The following ARFIP2 variants were observed in gnomAD, a reference collection of about 807,000 sequenced individuals.
ARFIP2 encodes the protein ARF interacting protein 2.
A neutral mutation model predicts 39.2 loss-of-function variants in ARFIP2; 14 were observed. The observed-to-expected ratio is 0.36, with a 90% CI of 0.24 to 0.56. ARFIP2 has a LOEUF of 0.56. Ranked by LOEUF, ARFIP2 falls within the 20% of genes least tolerant of loss-of-function variation. The pLI, the probability that ARFIP2 is intolerant of heterozygous loss-of-function variation, is 0.85. For synonymous variants in ARFIP2, 167 were observed against 172.4 expected, an observed-to-expected ratio of 0.97 and a Z score of 0.24; for missense variants, 305 against 422.5, an observed-to-expected ratio of 0.72 and a Z score of 2.44.
In ARFIP2 at chr11:6,476,819, A is replaced by T. The variant is rs1413411371; in HGVS notation, c.*294T>A. 2.8e-6 allele frequency: 1 copy of T among 351,990 alleles called. No homozygotes were observed. The highest frequency in any genetic ancestry group is 2.1e-5 in the African/African-American group (1 of 48,420). The allele number at this position is 351,990 out of a possible 1,614,324, so 21.8% of individuals were successfully genotyped here. ...TCAGGGAGCACACCCCAGCCTGAAG[A>T]GTGATGCCATTGGCCAGGGAGTGGT... On this transcript the variant is annotated 3_prime_UTR_variant, in exon 8 of 8. Coordinates refer to ENST00000396777, the MANE Select transcript of ARFIP2 (RefSeq NM_001376558.2).
intron 3 of ARFIP2, 71 bp from the exon 4 acceptor site, chr11:6,479,329 T>C (rs549041467): frequency 6.2e-7 from 1 of 1,611,314 alleles, no homozygotes; most frequent in South Asian, 1.1e-5. Context: ...CCACCCATAC[T>C]TCTCTTCGAG....
Position 6,478,759 on chromosome 11 carries a change from G to A in ARFIP2, c.516C>T (p.Ser172=), listed in dbSNP as rs1564984180. 6.2e-6 allele frequency: 10 copies of A among 1,612,124 alleles called. No homozygotes were observed. The highest frequency in any genetic ancestry group is 1.1e-5 in the South Asian group (1 of 91,036). Residue 172 remains serine, a synonymous_variant, in exon 5 of 8, where the codon AGC becomes AGT. Coordinates refer to ENST00000396777, the MANE Select transcript of ARFIP2 (RefSeq NM_001376558.2). This position sits in a 1 kb window ranked among gnomAD's most constrained non-coding sequence, Gnocchi z 4.8. The part of the protein sequence containing the change: ...HALGDAFADL[S]QKSPELQEEF... ...GCACCTGAAGCTCTGGGGACTTCTGGCTGAGGTCAGCAAAGGCATCACCCA... is the reference window on the plus strand; with the variant it reads ...GCACCTGAAGCTCTGGGGACTTCTGACTGAGGTCAGCAAAGGCATCACCCA...
chr11:6,479,430 C>A lies in ARFIP2; in HGVS notation c.197-172G>T, dbSNP rs895959795. On this transcript the variant is annotated intron_variant, in intron 3 of 7. Transcript: ENST00000396777. The stretch of plus-strand genomic sequence containing the variant: ...AACTCGGACTTTGCGCGGTGAGAAC[C>A]AAATCCTGATATACATATGGCCTCC... The A allele has an allele frequency of 1.3e-5, 17 of 1,346,780 alleles. No individual in the cohort carries two copies. In the Admixed American group the frequency reaches 3.0e-4, roughly 24 times the overall value. 83.4% of individuals were successfully genotyped at this position (1,346,780 alleles called of 1,614,324 possible).
chr11:6,479,301 C>T (rs1354099478), intron 3 of ARFIP2, 43 bp from the exon 4 acceptor site: 1 of 1,613,378 alleles, frequency 6.2e-7, no homozygotes, highest in Non-Finnish European at 8.5e-7. Context: ...CTCAGATACA[C>T]CAGACACCTC....
rs1208036381 is a variant in ARFIP2 at position 6,478,409 on chromosome 11, G to A, written c.538-211C>T. Among the ~76,000 whole-genome samples the A allele has an allele frequency of 6.6e-6, 1 of 152,056 alleles. No individual in the cohort carries two copies. The highest frequency in any genetic ancestry group is 2.4e-5 in the African/African-American group (1 of 41,412). ...GGAATGTGGGTGGTGGGCATTCTTG[G>A]GTAAGTTCACAAGACTGGAACAGTC... is the stretch of plus-strand genomic sequence containing the variant. On this transcript the variant is annotated intron_variant, in intron 5 of 7. Transcript: ENST00000396777. This position sits in a 1 kb window ranked among gnomAD's most constrained non-coding sequence, Gnocchi z 4.8.
At chr11:6,480,673 C>G (rs1262058977) in intron 1 of ARFIP2, 1 of 429,094 alleles carries the variant, frequency 2.3e-6, no homozygotes, top group East Asian at 4.4e-5. Context: ...AAGCCCCCAA[C>G]CTCACCAGGA....
In ARFIP2 at chr11:6,479,155, G is replaced by A. The variant is rs1158909591; in HGVS notation, c.300C>T (p.Gly100=). 11 of 1,614,126 alleles carry A rather than the reference G, an allele frequency of 6.8e-6. No individual in the cohort carries two copies. The highest frequency in any genetic ancestry group is 9.3e-6 in the Non-Finnish European group (11 of 1,180,020). Residue 100 remains glycine, a synonymous_variant, in exon 4 of 8, where the codon GGC becomes GGT. Transcript: ENST00000396777. The part of the protein sequence containing the change: ...GEKFDIVKKW[G]INTYKCTKQL... ...TAAATCCTACCTTATAGGTGTTGAT[G>A]CCCCATTTCTTGACGATGTCAAACT...
At chr11:6,479,670 A>G (rs1851510935) in intron 3 of ARFIP2, 4 of 533,586 alleles carry the variant, frequency 7.5e-6, no homozygotes, top group Non-Finnish European at 1.3e-5. Context: ...GAAGCTTCAC[A>G]AAGTTCCAAC....
At chr11:6,479,566 G>T in intron 3 of ARFIP2, 1 of 586,596 alleles carries the variant, frequency 1.7e-6, no homozygotes, top group Non-Finnish European at 3.0e-6. Flanking sequence ...GGTGGGTCAT[G>T]ATAACAAGAA....
In ARFIP2 at chr11:6,481,305, G is replaced by A. The variant is rs759629684; in HGVS notation, c.-117C>T. The A allele has an allele frequency of 2.7e-6, 2 of 732,416 alleles. No individual in the cohort carries two copies. The highest frequency in any genetic ancestry group is 2.7e-5 in the East Asian group (1 of 37,278). The allele number at this position is 732,416 out of a possible 1,614,324, so 45.4% of individuals were successfully genotyped here. ...GGGACCTCGGGCTCCAGTTCCCGTC[G>A]CGATCCTAGCAGCAGGTCAGGGACT... On this transcript the variant is annotated 5_prime_UTR_variant, in exon 1 of 8. Transcript: ENST00000396777.
rs1255227795 is a variant in ARFIP2, at chr11:6,479,987, C to T, written c.181G>A (p.Gly61Arg). 6.2e-7 allele frequency: 1 copy of T among 1,614,082 alleles called. No homozygotes were observed. The highest frequency in any genetic ancestry group is 1.1e-5 in the South Asian group (1 of 91,078). The change falls in exon 3 of 8, where the codon GGA becomes AGA. Residue 61 changes from glycine to arginine, a missense_variant. Physicochemically the swap from Gly to Arg is moderately radical, Grantham distance 125. This residue lies in a region of ARFIP2 where 151 missense variants were observed against 203.1 expected (regional missense o/e 0.74). Transcript: ENST00000396777. ...ACATTCATACCTGTGGGGATGAGTC[C>T]ATCACCAGAGCCCCCATAGCCACCA... Reference protein sequence around the residue: ...VSGGYGGSGDGLIPTGSGRHP... With the variant: ...VSGGYGGSGDRLIPTGSGRHP...
chr11:6,480,117 A>C (rs745543235), intron 2 of ARFIP2, 49 bp from the exon 3 acceptor site: 13 of 1,534,732 alleles, frequency 8.5e-6, no homozygotes, highest in Non-Finnish European at 1.1e-5. Flanking sequence ...GGGCTGCAGA[A>C]GCATTTTGGA....
At position 6,478,448 on chromosome 11, in the gene ARFIP2, G is replaced by A. The variant is rs1851339647; in HGVS notation, c.538-250C>T. 2 of 1,017,384 alleles carry A rather than the reference G, an allele frequency of 2.0e-6. No individual in the cohort carries two copies. Among genetic ancestry groups the A allele is most frequent in the Admixed American group, 5.8e-5 (2 of 34,342 alleles). The allele number at this position is 1,017,384 out of a possible 1,614,324, so 63.0% of individuals were successfully genotyped here. A position where few individuals can be genotyped will look rare whatever the true frequency, so the allele number is the denominator to read the frequency against. On this transcript the variant is annotated intron_variant, in intron 5 of 7. Coordinates refer to ENST00000396777, the MANE Select transcript of ARFIP2 (RefSeq NM_001376558.2). This position sits in a 1 kb window ranked among gnomAD's most constrained non-coding sequence, Gnocchi z 4.8. Reference sequence around the variant, plus strand: ...ACTGGAACAGTCTGAGAGCTAGTGTGGCAAGCAGGGGAGGGGCTCTGATTA... The same window carrying A: ...ACTGGAACAGTCTGAGAGCTAGTGTAGCAAGCAGGGGAGGGGCTCTGATTA...
chr11:6,480,601 G>T, intron 1 of ARFIP2, 138 bp from the exon 2 acceptor site: 2 of 552,906 alleles, frequency 3.6e-6, no homozygotes, highest in Non-Finnish European at 6.3e-6. Flanking sequence ...TCAGATATAT[G>T]TATTTCTCCC....
Position 6,479,245 on chromosome 11 carries a change from A to G in ARFIP2, c.210T>C (p.His70=), listed in dbSNP as rs1365228865. ...DGLIPTGSGR[H]PSHSTTPSGP... ...CAGAAGGAGTGGTGCTGTGAGATGGATGGCGGCCAGACCCTAAAGGATCAA... is the reference window on the plus strand; with the variant it reads ...CAGAAGGAGTGGTGCTGTGAGATGGGTGGCGGCCAGACCCTAAAGGATCAA... The change falls in exon 4 of 8, where the codon CAT becomes CAC. Residue 70 remains histidine, a synonymous_variant. Transcript: ENST00000396777. The G allele has an allele frequency of 6.2e-7, 1 of 1,614,086 alleles. No individual in the cohort carries two copies. The highest frequency in any genetic ancestry group is 8.5e-7 in the Non-Finnish European group (1 of 1,180,016).
Position 6,480,441 on chromosome 11 carries a change from G to A in ARFIP2, c.-20C>T, listed in dbSNP as rs766533257. On this transcript the variant is annotated 5_prime_UTR_variant, in exon 2 of 8. Coordinates refer to ENST00000396777, the MANE Select transcript of ARFIP2 (RefSeq NM_001376558.2). ...CGTCATGGCTAGGAAAGGTATTGGA[G>A]TAAAACTCTCCACCCCAGCACCCTG... 6.3e-7 allele frequency: 1 copy of A among 1,590,566 alleles called. No homozygotes were observed. The highest frequency in any genetic ancestry group is 1.7e-5 in the Admixed American group (1 of 57,504).
Position 6,481,325 on chromosome 11 carries a change from G to A in ARFIP2, c.-137C>T. 8 of 838,424 alleles carry A rather than the reference G, an allele frequency of 9.5e-6. No homozygotes were observed. The highest frequency in any genetic ancestry group is 7.6e-5 in the Admixed American group (3 of 39,652). The allele number at this position is 838,424 out of a possible 1,614,324, so 51.9% of individuals were successfully genotyped here. ...CCGTCGCGATCCTAGCAGCAGGTCA[G>A]GGACTCGGCGGAAATGACGTCCTCT... On this transcript the variant is annotated 5_prime_UTR_variant, in exon 1 of 8. Transcript: ENST00000396777.
chr11:6,480,546 G>A, intron 1 of ARFIP2, 83 bp from the exon 2 acceptor site: 1 of 710,014 alleles, frequency 1.4e-6, no homozygotes, highest in South Asian at 2.0e-5. Flanking sequence ...TTTAAAGGCT[G>A]TCCCAGGGTT....
chr11:6,478,346 G>C lies in ARFIP2; in HGVS notation c.538-148C>G. ...TGCCTCCAGCAAGGCTCTCTTAGCC[G>C]GAAAGTTAGTGGGATCACCCTGGGG... On this transcript the variant is annotated intron_variant, in intron 5 of 7. Coordinates refer to ENST00000396777, the MANE Select transcript of ARFIP2 (RefSeq NM_001376558.2). The surrounding 1 kb of genome is among the most constrained non-coding windows in gnomAD (Gnocchi z 4.8). 8.8e-7 allele frequency: 1 copy of C among 1,132,228 alleles called. No individual in the cohort carries two copies. The highest frequency in any genetic ancestry group is 1.2e-6 in the Non-Finnish European group (1 of 800,212). 70.1% of individuals were successfully genotyped at this position (1,132,228 alleles called of 1,614,324 possible). A position where few individuals can be genotyped will look rare whatever the true frequency, so the allele number is the denominator to read the frequency against.
Sources: gnomAD v4.1 joint callset for allele counts (sites outside exome capture counted in the v4.1 genomes callset) on GRCh38, gnomAD v4.1.1 for gene constraint, gnomAD v4.1.1 regional missense constraint, Gnocchi (gnomAD v3.1) non-coding constraint, MANE v1.5 for transcripts, NCBI Gene and HGNC (gene_info 2026-07-23, HGNC 2026-07-21) for gene names.